Variants in TNS3 observed in about 807,000 individuals in gnomAD.
The protein encoded by TNS3 is tensin 3.
TNS3 carries 45 observed loss-of-function variants against 140.9 expected under a neutral mutation model. The ratio of observed to expected loss-of-function variants is 0.32; its 90% CI spans 0.25 to 0.41. The LOEUF is 0.41. Among genes scored for constraint, TNS3 ranks in the 10% least tolerant of loss-of-function variants. The probability of loss-of-function intolerance (pLI) is 1.00; values close to 1 mark genes in which losing one functional copy is unlikely to be tolerated. For missense variants in TNS3, 1,716 were observed against 1,906.7 expected, an observed-to-expected ratio of 0.90 and a Z score of 1.86; for synonymous variants, 815 against 788.4, an observed-to-expected ratio of 1.03 and a Z score of -0.56.
In TNS3 at chr7:47,300,383, C is replaced by G. The variant is rs1293361991; in HGVS notation, c.3544+1803G>C. ...TGGGGTCCTCCCAGCAAACCTTCTA[C>G]AATGTGTGCTGAAGATCAAGCACAT... On this transcript the variant is annotated intron_variant, in intron 23 of 30. Transcript: ENST00000311160. Among the ~76,000 whole-genome samples the G allele has an allele frequency of 2.0e-5, 3 of 152,356 alleles. No homozygotes were observed. In the East Asian group the frequency reaches 5.8e-4, roughly 29 times the overall value.
chr7:47,578,755 G>A (rs1047521593), intron 1 of TNS3, among the ~76,000 whole-genome samples: 3 of 152,212 alleles, frequency 2.0e-5, no homozygotes, highest in Non-Finnish European at 1.5e-5. Flanking sequence ...GAAAGCTCAC[G>A]AAACTTGGAG....
At chr7:47,351,813 C>T (rs1789689388) in intron 17 of TNS3, among the ~76,000 whole-genome samples, 1 of 152,124 alleles carries the variant, frequency 6.6e-6, no homozygotes. Flanking sequence ...GGCTCCTGTC[C>T]GTGAAGAATG....
chr7:47,543,584 A>G (rs1015572688), intron 1 of TNS3, among the ~76,000 whole-genome samples: 3 of 152,246 alleles, frequency 2.0e-5, no homozygotes, highest in African/African-American at 7.2e-5. Context: ...GATGGTCCAA[A>G]GCTGGAGTTA....
At chr7:47,565,897 C>T (rs1009845487) in intron 1 of TNS3, among the ~76,000 whole-genome samples, 2 of 152,144 alleles carry the variant, frequency 1.3e-5, no homozygotes, top group Admixed American at 6.5e-5. Flanking sequence ...ATTCCTCACA[C>T]GGGCGCTGGG....
intron 1 of TNS3, among the ~76,000 whole-genome samples, chr7:47,538,385 C>A (rs1220867199): frequency 6.6e-6 from 1 of 152,184 alleles, no homozygotes; most frequent in African/African-American, 2.4e-5. Flanking sequence ...TAGTCTCAGG[C>A]CAGCTAACCC....
intron 5 of TNS3, 64 bp from the exon 6 acceptor site, chr7:47,439,722 GA>G: frequency 3.9e-6 from 6 of 1,556,160 alleles, no homozygotes; most frequent in Non-Finnish European, 4.4e-6. Flanking sequence ...CATCCTCTAG[GA>G]AAAAGGTGAA....
chr7:47,389,097 A>T (rs112310576), intron 16 of TNS3, among the ~76,000 whole-genome samples: 2,881 of 55,602 alleles, frequency 0.052, 760 homozygotes, highest in African/African-American at 0.26. Context: ...GAAGAGGAAG[A>T]GGAAGCGGAA....
At chr7:47,285,429 A>T (rs540183559) in intron 27 of TNS3, among the ~76,000 whole-genome samples, 25 of 152,250 alleles carry the variant, frequency 1.6e-4, no homozygotes, top group African/African-American at 6.0e-4. Flanking sequence ...ATAGTGAGTA[A>T]GTCTCACGAG....
chr7:47,332,159 G>C (rs979287139), intron 20 of TNS3, among the ~76,000 whole-genome samples: 5 of 152,240 alleles, frequency 3.3e-5, no homozygotes, highest in Non-Finnish European at 5.9e-5. Context: ...AGGTGCTTCA[G>C]AGAAAATGCC....
chr7:47,442,222 A>G (rs1162135953), intron 4 of TNS3, among the ~76,000 whole-genome samples, 167 bp from the exon 5 acceptor site: 1 of 152,196 alleles, frequency 6.6e-6, no homozygotes, highest in Admixed American at 6.5e-5. Context: ...GGTCTACACC[A>G]TGTTGTGTGA....
At chr7:47,410,189 G>A (rs13224892) in intron 13 of TNS3, among the ~76,000 whole-genome samples, 4,002 of 152,200 alleles carry the variant, frequency 0.026, 89 homozygotes, top group Non-Finnish European at 0.037. Context: ...CTCCCCTCCT[G>A]GTCCTCCCTC....
rs572883128 is a variant in TNS3, at chr7:47,571,370, T to C, written c.-265+10681A>G. Among the ~76,000 whole-genome samples the C allele has an allele frequency of 7.2e-5, 11 of 152,348 alleles. No individual in the cohort carries two copies. The South Asian group carries it at 2.1e-3, about 29-fold the overall frequency. On this transcript the variant is annotated intron_variant, in intron 1 of 30. Coordinates refer to ENST00000311160, the MANE Select transcript of TNS3 (RefSeq NM_022748.12). Reference sequence around the variant, plus strand: ...CGAGAAGGGGTGCCACCTGGGTTCCTGCAAAGCCTGCTCCCTTTCCGCTTC... The same window carrying C: ...CGAGAAGGGGTGCCACCTGGGTTCCCGCAAAGCCTGCTCCCTTTCCGCTTC...
intron 20 of TNS3, among the ~76,000 whole-genome samples, chr7:47,319,278 C>T (rs1000473966): frequency 6.6e-6 from 1 of 152,160 alleles, no homozygotes; most frequent in Admixed American, 6.5e-5. Context: ...CTCTGCACAC[C>T]CTCACCCTGG....
At chr7:47,565,600 C>T (rs979463791) in intron 1 of TNS3, among the ~76,000 whole-genome samples, 1 of 152,092 alleles carries the variant, frequency 6.6e-6, no homozygotes, top group Non-Finnish European at 1.5e-5. Context: ...CTCCTGACCT[C>T]GGGTGATCAG....
chr7:47,455,834 A>G (rs1420616466), intron 4 of TNS3, among the ~76,000 whole-genome samples: 1 of 152,124 alleles, frequency 6.6e-6, no homozygotes, highest in South Asian at 2.1e-4. Flanking sequence ...ATCTGATACA[A>G]AGTGGGCGCC....
chr7:47,530,356 T>G (rs1799347487), intron 1 of TNS3, among the ~76,000 whole-genome samples: 1 of 152,030 alleles, frequency 6.6e-6, no homozygotes, highest in Non-Finnish European at 1.5e-5. Flanking sequence ...TGAGACAACC[T>G]AAATAAACAA....
At chr7:47,290,073 C>T (rs750672153) in intron 27 of TNS3, among the ~76,000 whole-genome samples, 15 of 152,146 alleles carry the variant, frequency 9.9e-5, no homozygotes, top group Non-Finnish European at 1.8e-4. Flanking sequence ...CGAAAGTAGA[C>T]CCACATGAAT....
intron 1 of TNS3, among the ~76,000 whole-genome samples, chr7:47,542,926 C>CAA (rs33935034): frequency 0.29 from 38,875 of 134,892 alleles, 5,825 homozygotes; most frequent in East Asian, 0.42. Flanking sequence ...GCAAGACTGT[C>CAA]AAAAAAAAAA....
At chr7:47,479,576 CCAGG>C (rs1363878745) in intron 4 of TNS3, among the ~76,000 whole-genome samples, 1 of 151,958 alleles carries the variant, frequency 6.6e-6, no homozygotes, top group Non-Finnish European at 1.5e-5. Flanking sequence ...GCAGGGACAG[CCAGG>C]CAGGCGCCCG....
Sources: gnomAD v4.1 joint callset for allele counts (sites outside exome capture counted in the v4.1 genomes callset) on GRCh38, gnomAD v4.1.1 for gene constraint, MANE v1.5 for transcripts, NCBI Gene and HGNC (gene_info 2026-07-23, HGNC 2026-07-21) for gene names.